The following ADGRL3 variants were observed in gnomAD, a reference collection of about 807,000 sequenced individuals.
ADGRL3 encodes calcium-independent alpha-latrotoxin receptor 3.
ADGRL3 carries 62 observed loss-of-function variants against 153.5 expected under a neutral mutation model. The ratio of observed to expected loss-of-function variants is 0.40; its 90% confidence interval spans 0.33 to 0.50. The LOEUF is 0.50. Ranked by LOEUF, ADGRL3 falls within the 20% of genes least tolerant of loss-of-function variation. The probability of loss-of-function intolerance (pLI) is 0.47; values close to 1 mark genes in which losing one functional copy is unlikely to be tolerated. For missense variants in ADGRL3, 1,641 were observed against 1,859.4 expected, an observed-to-expected ratio of 0.88 and a Z score of 2.16; for synonymous variants, 710 against 672.5, an observed-to-expected ratio of 1.06 and a Z score of -0.86.
At chr4:61,304,303 A>T (rs937074339) in intron 1 of ADGRL3, among the ~76,000 whole-genome samples, 46 of 152,336 alleles carry the variant, frequency 3.0e-4, no homozygotes, top group African/African-American at 1.1e-3. Context: ...GGGAATACAC[A>T]CCTTGCTATT....
At chr4:61,406,976 A>G (rs1195086936) in intron 2 of ADGRL3, among the ~76,000 whole-genome samples, 1 of 152,098 alleles carries the variant, frequency 6.6e-6, no homozygotes, top group East Asian at 1.9e-4. Flanking sequence ...AAGGTTAGAA[A>G]TAACAAAATA....
chr4:62,028,930 C>T, intron 22 of ADGRL3, 49 bp downstream of exon 22: 1 of 1,522,184 alleles, frequency 6.6e-7, no homozygotes, highest in Non-Finnish European at 9.0e-7. Flanking sequence ...AGTGTGGTCC[C>T]ATGAACCAGC....
intron 9 of ADGRL3, among the ~76,000 whole-genome samples, chr4:61,820,002 G>C (rs2881027): frequency 0.39 from 59,194 of 151,522 alleles, 12,403 homozygotes; most frequent in East Asian, 0.62. Flanking sequence ...CTTTCAATTC[G>C]CTTGATTTAT....
intron 11 of ADGRL3, among the ~76,000 whole-genome samples, chr4:61,907,922 C>T (rs1404515859): frequency 6.6e-6 from 1 of 152,088 alleles, no homozygotes; most frequent in Non-Finnish European, 1.5e-5. Flanking sequence ...AAGTCCCGGC[C>T]TTATTTTCCT....
chr4:61,537,566 T>TA (rs1435607744), intron 4 of ADGRL3, among the ~76,000 whole-genome samples: 4 of 152,092 alleles, frequency 2.6e-5, no homozygotes, highest in African/African-American at 4.8e-5. Context: ...CTTTGTTCAT[T>TA]AAAAAAATCT....
At chr4:61,725,164 A>G (rs1293896569) in intron 6 of ADGRL3, among the ~76,000 whole-genome samples, 1 of 152,150 alleles carries the variant, frequency 6.6e-6, no homozygotes, top group Non-Finnish European at 1.5e-5. Context: ...TATCTTATTG[A>G]ACATCAATAA....
intron 17 of ADGRL3, among the ~76,000 whole-genome samples, chr4:61,958,482 C>G (rs2098976353): frequency 6.6e-6 from 1 of 151,684 alleles, no homozygotes; most frequent in Admixed American, 6.6e-5. Flanking sequence ...TTTCACACTG[C>G]TATAAAGAAT....
intron 1 of ADGRL3, among the ~76,000 whole-genome samples, chr4:61,321,684 A>G (rs561445766): frequency 1.3e-5 from 2 of 151,920 alleles, no homozygotes; most frequent in East Asian, 1.9e-4. Flanking sequence ...TTGTAACACA[A>G]TGTTAAGTAT....
At chr4:61,592,989 T>G (rs2098975403) in intron 5 of ADGRL3, among the ~76,000 whole-genome samples, 1 of 152,146 alleles carries the variant, frequency 6.6e-6, no homozygotes, top group Admixed American at 6.6e-5. Flanking sequence ...TTCTTGCTTT[T>G]TCTTTTCTGT....
rs1302571451 is a variant in ADGRL3, at chr4:62,037,955, G to A, written c.3717+99G>A. ...ATTTCTAGCCTGTGTTTAACACATC[G>A]TTTGTTTTTGTTGTTTCACTGTGTC... On this transcript the variant is annotated intron_variant, in intron 24 of 26. Coordinates refer to ENST00000683033, the MANE Select transcript of ADGRL3 (RefSeq NM_001387552.1). 1.7e-5 allele frequency: 22 copies of A among 1,328,222 alleles called. 1 individual carries two copies. Among genetic ancestry groups the A allele is most frequent in the African/African-American group, 8.7e-5 (6 of 68,892 alleles). 82.3% of individuals were successfully genotyped at this position (1,328,222 alleles called of 1,614,324 possible).
chr4:61,659,265 T>C, intron 5 of ADGRL3, among the ~76,000 whole-genome samples: 1 of 152,186 alleles, frequency 6.6e-6, no homozygotes, highest in East Asian at 1.9e-4. Flanking sequence ...TCTGAGGTCC[T>C]GGAGGTTAGC....
chr4:61,816,678 G>T (rs989605815), intron 9 of ADGRL3, among the ~76,000 whole-genome samples: 1 of 152,164 alleles, frequency 6.6e-6, no homozygotes, highest in Admixed American at 6.5e-5. Context: ...CCAGGCAAGG[G>T]GCTCATCAGT....
intron 6 of ADGRL3, among the ~76,000 whole-genome samples, chr4:61,726,792 T>C (rs1362158181): frequency 6.6e-6 from 1 of 152,196 alleles, no homozygotes; most frequent in Non-Finnish European, 1.5e-5. Context: ...TACCATGTTA[T>C]GTCCCCTATA....
At chr4:61,546,801 T>A (rs2098715751) in intron 4 of ADGRL3, among the ~76,000 whole-genome samples, 1 of 152,090 alleles carries the variant, frequency 6.6e-6, no homozygotes, top group African/African-American at 2.4e-5. Context: ...ACAAAAAAAA[T>A]TGAAGAAATA....
chr4:61,518,581 C>A (rs2098511430), intron 4 of ADGRL3, among the ~76,000 whole-genome samples: 2 of 152,178 alleles, frequency 1.3e-5, no homozygotes, highest in Admixed American at 6.5e-5. Context: ...AAATGTAATT[C>A]TTCAATTACT....
rs554154916 is a variant in ADGRL3, at chr4:61,301,377, G to A, written c.-239-81747G>A. 2.6e-5 allele frequency among the ~76,000 whole-genome samples: 4 copies of A among 152,306 alleles called. No homozygotes were observed. In the East Asian group the frequency reaches 7.7e-4, roughly 29 times the overall value. On this transcript the variant is annotated intron_variant, in intron 1 of 26. Coordinates refer to ENST00000683033, the MANE Select transcript of ADGRL3 (RefSeq NM_001387552.1). The stretch of plus-strand genomic sequence containing the variant: ...AATATTGTCTGTACTGGCAAAACAA[G>A]TTTTACGAAGAGATGTGAACACTTT...
chr4:62,023,254 A>G (rs886912869), intron 21 of ADGRL3, among the ~76,000 whole-genome samples: 2 of 152,182 alleles, frequency 1.3e-5, no homozygotes, highest in Admixed American at 1.3e-4. Context: ...TGGATCCTGA[A>G]GATGTGAATA....
chr4:61,450,329 G>C (rs2097658717), intron 2 of ADGRL3, among the ~76,000 whole-genome samples: 1 of 152,118 alleles, frequency 6.6e-6, no homozygotes, highest in African/African-American at 2.4e-5. Context: ...ATTGCTAATT[G>C]ATTATGGTGA....
At chr4:61,701,838 C>A (rs2095767842) in intron 6 of ADGRL3, among the ~76,000 whole-genome samples, 2 of 152,024 alleles carry the variant, frequency 1.3e-5, no homozygotes, top group South Asian at 4.2e-4. Flanking sequence ...ACAATAGAAT[C>A]ATATTTTGGG....
Sources: allele counts gnomAD v4.1 joint callset (sites outside exome capture counted in the v4.1 genomes callset), GRCh38; gene constraint gnomAD v4.1.1; transcripts MANE v1.5; gene names NCBI Gene and HGNC (gene_info 2026-07-23, HGNC 2026-07-21).